The following RORB variants were observed in gnomAD, a reference collection of about 807,000 sequenced individuals.
RORB encodes nuclear receptor ROR-beta.
RORB carries 6 observed loss-of-function variants against 59.1 expected under a neutral mutation model. The observed-to-expected ratio is 0.10, with a 90% CI of 0.06 to 0.20. The LOEUF is 0.20. Among genes scored for constraint, RORB ranks in the 10% least tolerant of loss-of-function variants. The pLI is 1.00. For missense variants in RORB, 320 were observed against 560.5 expected (o/e 0.57, Z 4.33); for synonymous variants, 215 against 204.5 (o/e 1.05, Z -0.44).
intron 1 of RORB, among the ~76,000 whole-genome samples, chr9:74,519,484 CAA>C (rs1276636233): frequency 6.6e-6 from 1 of 151,906 alleles, no homozygotes; most frequent in Non-Finnish European, 1.5e-5. Flanking sequence ...ATAGGAAATT[CAA>C]AAAGAGAAAG....
intron 3 of RORB, among the ~76,000 whole-genome samples, chr9:74,640,968 T>C (rs1823793692): frequency 6.6e-6 from 1 of 152,202 alleles, no homozygotes; most frequent in African/African-American, 2.4e-5. Flanking sequence ...CTTCACCATT[T>C]AGATATTCTC....
At chr9:74,593,328 C>T in intron 1 of RORB, among the ~76,000 whole-genome samples, 1 of 151,808 alleles carries the variant, frequency 6.6e-6, no homozygotes, top group South Asian at 2.1e-4. Flanking sequence ...TAGCCAGGCA[C>T]AGTGGTGTAC....
chr9:74,597,306 C>A (rs1822982602), intron 1 of RORB, among the ~76,000 whole-genome samples: 1 of 152,164 alleles, frequency 6.6e-6, no homozygotes, highest in Admixed American at 6.5e-5. Flanking sequence ...TCCTTTAAGC[C>A]AAGCACCAGG....
At chr9:74,612,758 A>C (rs146584105) in intron 1 of RORB, among the ~76,000 whole-genome samples, 1 of 152,330 alleles carries the variant, frequency 6.6e-6, no homozygotes, top group Admixed American at 6.5e-5. Context: ...AATATTTAAT[A>C]ACCTTGAAGT....
chr9:74,544,337 G>C (rs775838954), intron 1 of RORB, among the ~76,000 whole-genome samples: 2 of 152,128 alleles, frequency 1.3e-5, no homozygotes, highest in Non-Finnish European at 2.9e-5. Flanking sequence ...CTGTTCTTCG[G>C]TTTCCAGAGA....
At chr9:74,673,168 A>G (rs973956791) in intron 9 of RORB, among the ~76,000 whole-genome samples, 6 of 152,200 alleles carry the variant, frequency 3.9e-5, no homozygotes, top group Admixed American at 3.9e-4. Context: ...TCAATAGCGA[A>G]CTTCAACATG....
intron 1 of RORB, among the ~76,000 whole-genome samples, chr9:74,535,770 A>G (rs1461526360): frequency 6.6e-6 from 1 of 152,104 alleles, no homozygotes; most frequent in Non-Finnish European, 1.5e-5. Flanking sequence ...GCTAAAAAAA[A>G]TCTAGTAATA....
chr9:74,498,021 G>C (rs1306411167), intron 1 of RORB, 38 bp downstream of exon 1: 16 of 1,604,154 alleles, frequency 1.0e-5, no homozygotes, highest in Non-Finnish European at 1.3e-5. Flanking sequence ...CCCCGAGTCC[G>C]GCCAACTCCA....
chr9:74,609,569 A>T (rs1823203367), intron 1 of RORB, among the ~76,000 whole-genome samples: 1 of 152,218 alleles, frequency 6.6e-6, no homozygotes, highest in Non-Finnish European at 1.5e-5. Flanking sequence ...CATACAATTG[A>T]TAGCTGATAT....
chr9:74,676,019 G>T (rs967170283), intron 9 of RORB, among the ~76,000 whole-genome samples: 2 of 152,226 alleles, frequency 1.3e-5, no homozygotes, highest in African/African-American at 4.8e-5. Flanking sequence ...GAGGTGCAGA[G>T]GGTAGAGGAT....
At chr9:74,500,583 G>C (rs1342662782) in intron 1 of RORB, among the ~76,000 whole-genome samples, 2 of 152,076 alleles carry the variant, frequency 1.3e-5, no homozygotes, top group Non-Finnish European at 2.9e-5. Flanking sequence ...GTCCTAGTTA[G>C]CGCCTGGGCT....
chr9:74,625,254 T>A (rs535200585), intron 1 of RORB, among the ~76,000 whole-genome samples: 2 of 152,322 alleles, frequency 1.3e-5, no homozygotes, highest in African/African-American at 4.8e-5. Flanking sequence ...TATACAAGAA[T>A]CACTTGGGGG....
intron 1 of RORB, among the ~76,000 whole-genome samples, chr9:74,577,424 T>C (rs917896331): frequency 6.6e-6 from 1 of 152,126 alleles, no homozygotes; most frequent in African/African-American, 2.4e-5. Context: ...TTCCTCACCC[T>C]AAATTTGCTC....
intron 1 of RORB, among the ~76,000 whole-genome samples, chr9:74,626,001 A>G (rs1587391807): frequency 6.6e-6 from 1 of 152,392 alleles, no homozygotes; most frequent in East Asian, 1.9e-4. Context: ...TAGCTGGATT[A>G]GTTTATATAA....
intron 1 of RORB, among the ~76,000 whole-genome samples, chr9:74,505,497 A>C (rs148218638): frequency 3.9e-5 from 6 of 152,228 alleles, no homozygotes; most frequent in Admixed American, 1.3e-4. Flanking sequence ...ATCCACCCAA[A>C]GTAAGGTACA....
At chr9:74,524,657 A>G (rs971473259) in intron 1 of RORB, among the ~76,000 whole-genome samples, 4 of 151,918 alleles carry the variant, frequency 2.6e-5, no homozygotes, top group Admixed American at 1.3e-4. Context: ...TTTTTTAACC[A>G]CTATTGATTC....
intron 1 of RORB, among the ~76,000 whole-genome samples, chr9:74,511,375 A>C (rs1825936957): frequency 6.6e-6 from 1 of 152,208 alleles, no homozygotes. Flanking sequence ...CAATTGAAGA[A>C]AACATAAAAC....
At position 74,688,238 on chromosome 9, in the gene RORB, C is replaced by A. The variant is rs917540017; in HGVS notation, c.*2620C>A. The A allele has an allele frequency of 6.6e-6, 1 of 152,210 alleles. No individual in the cohort carries two copies. Among genetic ancestry groups the A allele is most frequent in the East Asian group, 1.9e-4 (1 of 5,184 alleles). 9.4% of individuals were successfully genotyped at this position (152,210 alleles called of 1,614,324 possible). ...CATCTGAACCAGAGCAAAACAATGG[C>A]AACCAGGACATACTCATCCCACTTA... is the stretch of plus-strand genomic sequence containing the variant. On this transcript the variant is annotated 3_prime_UTR_variant, in exon 10 of 10. Transcript: ENST00000376896.
In RORB at chr9:74,689,808, C is replaced by G. The variant is rs756049005; in HGVS notation, c.*4190C>G. The G allele has an allele frequency of 1.3e-5, 2 of 152,158 alleles. No homozygotes were observed. The highest frequency in any genetic ancestry group is 2.9e-5 in the Non-Finnish European group (2 of 68,022). 9.4% of individuals were successfully genotyped at this position (152,158 alleles called of 1,614,324 possible). On this transcript the variant is annotated 3_prime_UTR_variant, in exon 10 of 10. Coordinates refer to ENST00000376896, the MANE Select transcript of RORB (RefSeq NM_006914.4). ...AACAATTCTTGGGTCCCAAGGACAACCTAAAACTTACCAGCTTTTTTCAAA... is the reference window on the plus strand; with the variant it reads ...AACAATTCTTGGGTCCCAAGGACAAGCTAAAACTTACCAGCTTTTTTCAAA...
Sources: allele counts gnomAD v4.1 joint callset (sites outside exome capture counted in the v4.1 genomes callset), GRCh38; gene constraint gnomAD v4.1.1; transcripts MANE v1.5; gene names NCBI Gene and HGNC (gene_info 2026-07-23, HGNC 2026-07-21).